RELL1: variants seen among roughly 807,000 people sequenced by gnomAD.
RELL1 encodes RELT-like protein 1.
In RELL1, 10 loss-of-function variants were observed where a neutral mutation model predicts 23.0. The observed-to-expected ratio is 0.43, with a 90% CI of 0.27 to 0.74. RELL1 has a LOEUF of 0.74. Among genes scored for constraint, RELL1 ranks in the 30% least tolerant of loss-of-function variants. The probability of loss-of-function intolerance (pLI) is 0.19; values close to 1 mark genes in which losing one functional copy is unlikely to be tolerated. For synonymous variants in RELL1, 146 were observed against 146.8 expected, an observed-to-expected ratio of 0.99 and a Z score of 0.04; for missense variants, 315 against 364.4, an observed-to-expected ratio of 0.86 and a Z score of 1.10.
At position 37,686,302 on chromosome 4, in the gene RELL1, G is replaced by A. The variant is rs1226335163; in HGVS notation, c.-15C>T. 1.3e-6 allele frequency: 2 copies of A among 1,497,578 alleles called. No individual in the cohort carries two copies. The highest frequency in any genetic ancestry group is 1.8e-6 in the Non-Finnish European group (2 of 1,128,906). 92.8% of individuals were successfully genotyped at this position (1,497,578 alleles called of 1,614,324 possible). A position where few individuals can be genotyped will look rare whatever the true frequency, so the allele number is the denominator to read the frequency against. ...CGCGGAGCCATCGCCGCGTCGCTTCGCCCTCCTCCCCCAGGGCGCCGCGTC... is the reference window on the plus strand; with the variant it reads ...CGCGGAGCCATCGCCGCGTCGCTTCACCCTCCTCCCCCAGGGCGCCGCGTC... On this transcript the variant is annotated 5_prime_UTR_variant, in exon 1 of 7. Transcript: ENST00000454158.
intron 6 of RELL1, among the ~76,000 whole-genome samples, chr4:37,617,941 C>T (rs960376690): frequency 1.1e-4 from 17 of 152,162 alleles, no homozygotes; most frequent in Admixed American, 1.3e-4. Context: ...GTTAAGGAAT[C>T]ACTGAGGGCC....
intron 6 of RELL1, among the ~76,000 whole-genome samples, chr4:37,598,078 A>ATATATATATATATATAT (rs1553870664): frequency 7.9e-5 from 10 of 126,738 alleles, no homozygotes; most frequent in South Asian, 2.6e-4. Context: ...TATATATCAT[A>ATATATATATATATATAT]ATATATATAT....
At chr4:37,672,457 C>A (rs1487209487) in intron 1 of RELL1, among the ~76,000 whole-genome samples, 1 of 152,190 alleles carries the variant, frequency 6.6e-6, no homozygotes, top group Non-Finnish European at 1.5e-5. Context: ...GACTCAAAGT[C>A]AAGAGTCTTT....
intron 6 of RELL1, among the ~76,000 whole-genome samples, chr4:37,599,565 A>G (rs1348494773): frequency 6.6e-6 from 1 of 152,182 alleles, no homozygotes; most frequent in African/African-American, 2.4e-5. Context: ...AATCCTATCT[A>G]TAGGAACAAT....
intron 4 of RELL1, among the ~76,000 whole-genome samples, chr4:37,637,905 C>G (rs990961954): frequency 6.6e-6 from 1 of 152,206 alleles, no homozygotes; most frequent in Admixed American, 6.5e-5. Flanking sequence ...TCATGGAGGT[C>G]TTTCAATGCT....
At chr4:37,667,572 AG>A (rs1721580101) in intron 1 of RELL1, among the ~76,000 whole-genome samples, 1 of 150,260 alleles carries the variant, frequency 6.7e-6, no homozygotes, top group Non-Finnish European at 1.5e-5. Flanking sequence ...TAGATACTAC[AG>A]GGTTCACGTA....
intron 1 of RELL1, among the ~76,000 whole-genome samples, chr4:37,659,695 G>T (rs1458486519): frequency 1.3e-5 from 2 of 151,850 alleles, no homozygotes; most frequent in Non-Finnish European, 2.9e-5. Context: ...GTCCTTCATG[G>T]TTCTCAGAAT....
chr4:37,601,871 T>C (rs982727190), intron 6 of RELL1, among the ~76,000 whole-genome samples: 1 of 152,070 alleles, frequency 6.6e-6, no homozygotes, highest in Non-Finnish European at 1.5e-5. Flanking sequence ...GAAATGTTCG[T>C]GAAGTTCAGA....
At chr4:37,663,168 T>G (rs1721414316) in intron 1 of RELL1, among the ~76,000 whole-genome samples, 1 of 152,110 alleles carries the variant, frequency 6.6e-6, no homozygotes, top group Non-Finnish European at 1.5e-5. Context: ...CATCTTCTTT[T>G]CCTGTTCTCC....
At chr4:37,627,879 A>G (rs1720003592) in intron 6 of RELL1, among the ~76,000 whole-genome samples, 1 of 152,330 alleles carries the variant, frequency 6.6e-6, no homozygotes, top group African/African-American at 2.4e-5. Context: ...TAGAAGAGAC[A>G]CATAGCACTC....
downstream of RELL1, chr4:37,590,509 T>C (rs772068143): frequency 6.2e-7 from 1 of 1,614,094 alleles, no homozygotes; most frequent in South Asian, 1.1e-5. Context: ...GCTGCTGGCC[T>C]CAGAAGGGAC....
chr4:37,669,533 A>G (rs987756902), intron 1 of RELL1, among the ~76,000 whole-genome samples: 3 of 152,124 alleles, frequency 2.0e-5, no homozygotes, highest in Non-Finnish European at 2.9e-5. Context: ...TGGGAGGTGT[A>G]CCCAACAGCT....
At chr4:37,630,293 G>T (rs1323454029) in intron 6 of RELL1, among the ~76,000 whole-genome samples, 1 of 151,622 alleles carries the variant, frequency 6.6e-6, no homozygotes, top group Admixed American at 6.6e-5. Context: ...CAGAAATAAA[G>T]GAGTTAAGAT....
In RELL1 at chr4:37,638,505, C is replaced by T; in HGVS notation, c.386-1G>A. The T allele has an allele frequency of 6.2e-7, 1 of 1,606,924 alleles. No individual in the cohort carries two copies. On this transcript the variant is annotated splice_acceptor_variant, in intron 3 of 6. Coordinates refer to ENST00000454158, the MANE Select transcript of RELL1 (RefSeq NM_001085400.2). LOFTEE classifies it high-confidence loss of function. ...ATCGCCTTTAAGACATCAGCATTCG[C>T]TAAGGAATAAAAATAAAATTAAAGA...
chr4:37,600,983 GC>G (rs1235372415), intron 6 of RELL1, among the ~76,000 whole-genome samples: 3 of 152,138 alleles, frequency 2.0e-5, no homozygotes, highest in African/African-American at 7.2e-5. Context: ...AGATGCCTAT[GC>G]TACATGCACA....
chr4:37,644,578 C>T (rs910092830), intron 3 of RELL1, among the ~76,000 whole-genome samples: 9 of 151,558 alleles, frequency 5.9e-5, no homozygotes, highest in Non-Finnish European at 1.5e-5. Context: ...GATTCTCCTG[C>T]CTCAGCCTCC....
intron 1 of RELL1, among the ~76,000 whole-genome samples, chr4:37,651,967 G>T (rs1479795873): frequency 1.3e-5 from 2 of 152,218 alleles, no homozygotes; most frequent in African/African-American, 4.8e-5. Flanking sequence ...TACCACAGGG[G>T]AGCTGAAGCA....
At chr4:37,601,970 T>C (rs1423282651) in intron 6 of RELL1, among the ~76,000 whole-genome samples, 1 of 152,022 alleles carries the variant, frequency 6.6e-6, no homozygotes, top group Non-Finnish European at 1.5e-5. Flanking sequence ...TTCCAGCACT[T>C]TGGGAGGCTG....
At chr4:37,618,375 C>A (rs1298416784) in intron 6 of RELL1, among the ~76,000 whole-genome samples, 1 of 151,562 alleles carries the variant, frequency 6.6e-6, no homozygotes, top group Non-Finnish European at 1.5e-5. Flanking sequence ...GCATGCCACC[C>A]TACTCAGCTA....
Sources: allele counts gnomAD v4.1 joint callset (sites outside exome capture counted in the v4.1 genomes callset), GRCh38; gene constraint gnomAD v4.1.1; transcripts MANE v1.5; gene names NCBI Gene and HGNC (gene_info 2026-07-23, HGNC 2026-07-21).